EBF1: variants seen among roughly 807,000 people sequenced by gnomAD.
The protein encoded by EBF1 is EBF transcription factor 1, also known as transcription factor COE1.
In EBF1, 10 loss-of-function variants were observed where a neutral mutation model predicts 68.4. The ratio of observed to expected loss-of-function variants is 0.15; its 90% confidence interval spans 0.09 to 0.25. The LOEUF (loss-of-function observed/expected upper bound fraction) is 0.25. Among genes scored for constraint, EBF1 ranks in the 10% least tolerant of loss-of-function variants. The pLI, the probability that EBF1 is intolerant of heterozygous loss-of-function variation, is 1.00. For synonymous variants in EBF1, 298 were observed against 299.8 expected (o/e 0.99, Z 0.06); for missense variants, 509 against 794.4 (o/e 0.64, Z 4.32).
At chr5:158,958,675 T>C (rs1583471853) in intron 6 of EBF1, among the ~76,000 whole-genome samples, 1 of 152,180 alleles carries the variant, frequency 6.6e-6, no homozygotes, top group East Asian at 1.9e-4. Flanking sequence ...CTGGTATTAT[T>C]GCTTTGCGAA....
At chr5:159,096,856 C>A in intron 2 of EBF1, 118 bp downstream of exon 2, 1 of 1,329,280 alleles carries the variant, frequency 7.5e-7, no homozygotes, top group East Asian at 2.5e-5. Context: ...TGGGGGACCC[C>A]CACATAGAAG....
At chr5:158,807,949 C>T (rs773256877) in intron 8 of EBF1, among the ~76,000 whole-genome samples, 9 of 152,134 alleles carry the variant, frequency 5.9e-5, no homozygotes, top group Non-Finnish European at 1.3e-4. Flanking sequence ...TTGTGCTTTT[C>T]GGAATAGTTC....
In EBF1 at chr5:158,820,642, G is replaced by A. The variant is rs374635260; in HGVS notation, c.778+2534C>T. Among the ~76,000 whole-genome samples, 33 of 152,294 alleles carry A rather than the reference G, an allele frequency of 2.2e-4. No homozygotes were observed. The South Asian group carries it at 2.5e-3, about 11-fold the overall frequency. On this transcript the variant is annotated intron_variant, in intron 8 of 15. Coordinates refer to ENST00000313708, the MANE Select transcript of EBF1 (RefSeq NM_024007.5). ...GGTGAAGGCAAAGCCCCTTGCTGAA[G>A]GAAATAGGACATACCTATGTCCCCA...
intron 6 of EBF1, among the ~76,000 whole-genome samples, chr5:159,068,157 A>G (rs1047833483): frequency 8.5e-5 from 13 of 152,194 alleles, no homozygotes; most frequent in African/African-American, 3.1e-4. Context: ...GAAACTAACT[A>G]AAAGCCTCAT....
chr5:159,005,059 A>G (rs1763286972), intron 6 of EBF1, among the ~76,000 whole-genome samples: 1 of 152,214 alleles, frequency 6.6e-6, no homozygotes, highest in Non-Finnish European at 1.5e-5. Context: ...AAAAGTTCCC[A>G]TGGCTTAACA....
intron 6 of EBF1, among the ~76,000 whole-genome samples, chr5:158,879,145 T>A (rs1440821713): frequency 1.3e-5 from 2 of 152,192 alleles, no homozygotes; most frequent in African/African-American, 2.4e-5. Flanking sequence ...CCCATCTGTT[T>A]TCTGAATGTT....
At chr5:158,920,059 A>G (rs928025416) in intron 6 of EBF1, among the ~76,000 whole-genome samples, 2 of 152,162 alleles carry the variant, frequency 1.3e-5, no homozygotes, top group African/African-American at 4.8e-5. Context: ...CTTTAGGTAT[A>G]TGTGTACATA....
At chr5:158,889,285 T>C (rs980303088) in intron 6 of EBF1, among the ~76,000 whole-genome samples, 2 of 152,174 alleles carry the variant, frequency 1.3e-5, no homozygotes, top group Non-Finnish European at 2.9e-5. Flanking sequence ...GAGACAGTAC[T>C]TGCAAGTGGG....
At chr5:158,977,103 C>T (rs946471565) in intron 6 of EBF1, among the ~76,000 whole-genome samples, 12 of 152,120 alleles carry the variant, frequency 7.9e-5, no homozygotes, top group African/African-American at 1.2e-4. Flanking sequence ...AAATGGACAG[C>T]GACTATCATG....
At chr5:158,776,523 C>T (rs1371891484) in intron 10 of EBF1, among the ~76,000 whole-genome samples, 1 of 152,140 alleles carries the variant, frequency 6.6e-6, no homozygotes, top group Non-Finnish European at 1.5e-5. Flanking sequence ...CCGCTCTGTA[C>T]TTAATCTGGT....
chr5:158,754,368 C>T (rs1281985049), intron 10 of EBF1, among the ~76,000 whole-genome samples: 2 of 152,110 alleles, frequency 1.3e-5, no homozygotes, highest in Non-Finnish European at 2.9e-5. Flanking sequence ...TTTCATTGAA[C>T]TCAGACCTGA....
intron 6 of EBF1, among the ~76,000 whole-genome samples, chr5:158,869,446 G>A (rs796272669): frequency 9.2e-5 from 14 of 152,162 alleles, no homozygotes; most frequent in African/African-American, 2.2e-4. Context: ...GGGAATACCC[G>A]CCCCCGACCT....
chr5:158,912,190 T>C (rs1007020165), intron 6 of EBF1, among the ~76,000 whole-genome samples: 7 of 152,240 alleles, frequency 4.6e-5, no homozygotes, highest in African/African-American at 1.4e-4. Flanking sequence ...TGGATCCTCC[T>C]GGTGGACACA....
At chr5:159,030,317 T>A (rs1215200102) in intron 6 of EBF1, among the ~76,000 whole-genome samples, 2 of 152,236 alleles carry the variant, frequency 1.3e-5, no homozygotes, top group South Asian at 2.1e-4. Context: ...CTTTTTTTAA[T>A]GTTTAAAAAT....
intron 6 of EBF1, among the ~76,000 whole-genome samples, chr5:159,041,229 T>C (rs1771137584): frequency 6.6e-6 from 1 of 152,230 alleles, no homozygotes. Flanking sequence ...ATCCCTGCTA[T>C]GAAAACATAG....
intron 6 of EBF1, among the ~76,000 whole-genome samples, chr5:158,966,960 A>G (rs1407604387): frequency 6.6e-6 from 1 of 152,226 alleles, no homozygotes; most frequent in Non-Finnish European, 1.5e-5. Context: ...CAAGTATATG[A>G]TAAAGGAACA....
At chr5:158,866,807 A>G (rs1207625959) in intron 6 of EBF1, among the ~76,000 whole-genome samples, 1 of 141,086 alleles carries the variant, frequency 7.1e-6, no homozygotes, top group Non-Finnish European at 1.5e-5. Flanking sequence ...TGGGGACTCC[A>G]GTAATATATG....
intron 5 of EBF1, among the ~76,000 whole-genome samples, chr5:159,081,878 C>T (rs1191942995): frequency 2.0e-5 from 3 of 152,084 alleles, no homozygotes; most frequent in Non-Finnish European, 4.4e-5. Context: ...ACAGGTATAG[C>T]AAAATGTAAT....
chr5:158,774,529 C>T (rs1179131934), intron 10 of EBF1, among the ~76,000 whole-genome samples: 1 of 152,038 alleles, frequency 6.6e-6, no homozygotes, highest in African/African-American at 2.4e-5. Context: ...AGAGGGTTAG[C>T]TCACCCAATC....
Sources: gnomAD v4.1 joint callset for allele counts (sites outside exome capture counted in the v4.1 genomes callset) on GRCh38, gnomAD v4.1.1 for gene constraint, MANE v1.5 for transcripts, NCBI Gene and HGNC (gene_info 2026-07-23, HGNC 2026-07-21) for gene names.